Variants in LAYN observed in about 807,000 individuals in gnomAD.
LAYN encodes layilin.
In LAYN, 38 loss-of-function variants were observed where a neutral mutation model predicts 43.6. That is an observed-to-expected ratio of 0.87 (90% CI 0.67 to 1.14). LAYN has a LOEUF of 1.14. Among genes scored for constraint, LAYN ranks in the 50% most tolerant of loss-of-function variants. The probability of loss-of-function intolerance (pLI) is 0.00; values close to 1 mark genes in which losing one functional copy is unlikely to be tolerated. For synonymous variants in LAYN, 168 were observed against 172.9 expected, an observed-to-expected ratio of 0.97 and a Z score of 0.22; for missense variants, 479 against 463.8, an observed-to-expected ratio of 1.03 and a Z score of -0.30.
Position 111,541,594 on chromosome 11 carries a change from C to CTCTGGCT in LAYN, c.85+677_85+683dup, listed in dbSNP as rs368163431. 2,423 of 1,535,838 alleles carry CTCTGGCT rather than the reference C, an allele frequency of 1.6e-3. 39 individuals are homozygous for CTCTGGCT. In the African/African-American group the frequency reaches 0.028, roughly 18 times the overall value. Reference sequence around the variant, plus strand: ...TTTGGACCTCAGAGGAGGTAAAGTGCTCTGGCTTCTGGCTTCTTTCAGTTG... The same window carrying CTCTGGCT: ...TTTGGACCTCAGAGGAGGTAAAGTGCTCTGGCTTCTGGCTTCTGGCTTCTTTCAGTTG... On this transcript the variant is annotated intron_variant, in intron 1 of 6. Coordinates refer to ENST00000375614, the MANE Select transcript of LAYN (RefSeq NM_178834.5).
At chr11:111,545,980 G>A (rs1867642157) in intron 2 of LAYN, among the ~76,000 whole-genome samples, 1 of 152,156 alleles carries the variant, frequency 6.6e-6, no homozygotes, top group Non-Finnish European at 1.5e-5. Flanking sequence ...TTGAACATTC[G>A]GCAGTAGCAA....
chr11:111,548,324 C>T (rs1390060438), intron 2 of LAYN, among the ~76,000 whole-genome samples: 2 of 152,206 alleles, frequency 1.3e-5, no homozygotes, highest in Non-Finnish European at 2.9e-5. Context: ...TTACTGGAAA[C>T]CTGGCCTCTC....
At chr11:111,554,691 A>G in intron 4 of LAYN, 98 bp downstream of exon 4, 6 of 1,044,010 alleles carry the variant, frequency 5.7e-6, no homozygotes, top group South Asian at 1.3e-5. Flanking sequence ...ATTATTCAAC[A>G]GAAAAACTAG....
chr11:111,550,110 G>T (rs1177007449), intron 3 of LAYN, among the ~76,000 whole-genome samples: 1 of 152,200 alleles, frequency 6.6e-6, no homozygotes, highest in Admixed American at 6.5e-5. Context: ...CACATGTGAG[G>T]TTGGCTGTAG....
intron 5 of LAYN, among the ~76,000 whole-genome samples, chr11:111,556,261 C>T (rs1471727282): frequency 6.6e-6 from 1 of 152,170 alleles, no homozygotes; most frequent in East Asian, 1.9e-4. Flanking sequence ...TTGTCATCCC[C>T]CACCCCATGG....
chr11:111,553,158 G>A (rs1251570792), intron 3 of LAYN, among the ~76,000 whole-genome samples: 1 of 152,028 alleles, frequency 6.6e-6, no homozygotes, highest in Admixed American at 6.6e-5. Flanking sequence ...CAGGAGAATG[G>A]CAGGAACCCA....
intron 2 of LAYN, among the ~76,000 whole-genome samples, chr11:111,547,096 A>G (rs1399084345): frequency 6.6e-6 from 1 of 152,206 alleles, no homozygotes; most frequent in Admixed American, 6.5e-5. Context: ...GGCCAGAGCA[A>G]TATTCCCAGG....
At chr11:111,554,706 A>G in intron 4 of LAYN, 113 bp downstream of exon 4, 1 of 909,176 alleles carries the variant, frequency 1.1e-6, no homozygotes. Flanking sequence ...AACTAGTGGT[A>G]TTAACTCAGG....
chr11:111,544,808 C>T (rs1318930530), intron 2 of LAYN, among the ~76,000 whole-genome samples: 1 of 152,016 alleles, frequency 6.6e-6, no homozygotes, highest in African/African-American at 2.4e-5. Context: ...AGACATGAGA[C>T]TAGGAGAATG....
At chr11:111,541,214 G>T (rs1048126491) in intron 1 of LAYN, 2 of 592,716 alleles carry the variant, frequency 3.4e-6, no homozygotes, top group Non-Finnish European at 6.0e-6. Flanking sequence ...GGAGAGGTGG[G>T]GCAGTGGGCA....
chr11:111,557,127 G>A (rs147380777), intron 5 of LAYN, among the ~76,000 whole-genome samples: 278 of 151,896 alleles, frequency 1.8e-3, no homozygotes, highest in Admixed American at 6.9e-3. Flanking sequence ...CTGCCCCAGC[G>A]GCCCCTGCTT....
chr11:111,553,543 C>CG (rs1176559032), intron 3 of LAYN, among the ~76,000 whole-genome samples: 2 of 149,996 alleles, frequency 1.3e-5, no homozygotes, highest in Non-Finnish European at 1.5e-5. Flanking sequence ...CGCTTGAACC[C>CG]GGGAGGCGGA....
Position 111,560,615 on chromosome 11 carries a change from A to C in LAYN, c.*157A>C. The C allele has an allele frequency of 1.3e-6, 1 of 798,030 alleles. No homozygotes were observed. The highest frequency in any genetic ancestry group is 1.9e-6 in the Non-Finnish European group (1 of 516,996). 49.4% of individuals were successfully genotyped at this position (798,030 alleles called of 1,614,324 possible). On this transcript the variant is annotated 3_prime_UTR_variant, in exon 7 of 7. Transcript: ENST00000375614. ...CCCCACGACCTCCTGTTGGACCCCC[A>C]CGTTTTGGCTGTATCCTTTATCCCA...
intron 4 of LAYN, 82 bp from the exon 5 acceptor site, chr11:111,555,125 C>G: frequency 9.7e-7 from 1 of 1,029,932 alleles, no homozygotes. Context: ...TTTTTGCATC[C>G]CAATTTGAAC....
chr11:111,551,883 C>A (rs561685530), intron 3 of LAYN, among the ~76,000 whole-genome samples: 84 of 152,190 alleles, frequency 5.5e-4, no homozygotes, highest in African/African-American at 1.9e-3. Flanking sequence ...TGCTTTTGAT[C>A]ATTGTACTGT....
chr11:111,559,363 A>C (rs1379568219), intron 6 of LAYN, among the ~76,000 whole-genome samples: 1 of 152,198 alleles, frequency 6.6e-6, no homozygotes, highest in African/African-American at 2.4e-5. Flanking sequence ...CTGCTGTTTT[A>C]TCTCTTACAT....
At chr11:111,558,583 G>A (rs1455511622) in intron 6 of LAYN, among the ~76,000 whole-genome samples, 1 of 151,740 alleles carries the variant, frequency 6.6e-6, no homozygotes, top group Non-Finnish European at 1.5e-5. Context: ...TGCCTACTCT[G>A]CCTACTCAGT....
At position 111,560,434 on chromosome 11, in the gene LAYN, G is replaced by A. The variant is rs1358263693; in HGVS notation, c.1101G>A (p.Val367=). ...GGAGGAGTAAGGAGTCTGGATGGGT[G>A]GAAAATGAAATATATGGTTATTAGG... The part of the protein sequence containing the change: ...QMGRSKESGW[V]ENEIYGY Residue 367 remains valine, a synonymous_variant, in exon 7 of 7, where the codon GTG becomes GTA. Coordinates refer to ENST00000375614, the MANE Select transcript of LAYN (RefSeq NM_178834.5). 2 of 1,613,226 alleles carry A rather than the reference G, an allele frequency of 1.2e-6. No homozygotes were observed. The highest frequency in any genetic ancestry group is 1.6e-4 in the Middle Eastern group (1 of 6,076).
intron 3 of LAYN, among the ~76,000 whole-genome samples, chr11:111,552,989 C>T (rs1867768980): frequency 6.6e-6 from 1 of 152,080 alleles, no homozygotes; most frequent in Non-Finnish European, 1.5e-5. Flanking sequence ...TACTTAATCT[C>T]CCCGAATCTT....
Sources: gnomAD v4.1 joint callset for allele counts (sites outside exome capture counted in the v4.1 genomes callset) on GRCh38, gnomAD v4.1.1 for gene constraint, MANE v1.5 for transcripts, NCBI Gene and HGNC (gene_info 2026-07-23, HGNC 2026-07-21) for gene names.